The following ERAP1 variants were observed in gnomAD, a reference collection of about 807,000 sequenced individuals.
The protein encoded by ERAP1 is endoplasmic reticulum aminopeptidase 1, also known as adipocyte-derived leucine aminopeptidase.
In ERAP1, 86 loss-of-function variants were observed where a neutral mutation model predicts 103.7. The ratio of observed to expected loss-of-function variants is 0.83; its 90% CI spans 0.70 to 0.99. ERAP1 has a LOEUF of 0.99. ERAP1 is among the 50% of genes least tolerant of loss of function. The pLI is 0.00. For missense variants in ERAP1, 1,009 were observed against 1,128.4 expected (o/e 0.89, Z 1.52); for synonymous variants, 398 against 402.4 (o/e 0.99, Z 0.13).
At chr5:96,909,072 CAT>C in the ERAP1 span, 11 of 1,614,132 alleles carry the variant, frequency 6.8e-6, no homozygotes, top group African/African-American at 9.3e-5. Context: ...CGTTTTACCA[CAT>C]GATGGACAGA....
chr5:96,907,657 G>A, the ERAP1 span, among the ~76,000 whole-genome samples: 3 of 151,858 alleles, frequency 2.0e-5, no homozygotes, highest in Non-Finnish European at 4.4e-5. Flanking sequence ...CGAGGCGGGT[G>A]GATCACCTGA....
the ERAP1 span, among the ~76,000 whole-genome samples, chr5:96,909,401 A>T: frequency 2.0e-5 from 3 of 152,150 alleles, no homozygotes; most frequent in Admixed American, 6.6e-5. Flanking sequence ...AAATGCAAAA[A>T]CTGTTTCCTA....
At chr5:96,900,115 T>A in the ERAP1 span, 1 of 1,613,772 alleles carries the variant, frequency 6.2e-7, no homozygotes, top group Admixed American at 1.7e-5. Flanking sequence ...TGTTCTTGTT[T>A]TGTAGAGTTG....
At chr5:96,892,532 A>C in the ERAP1 span, 1 of 1,534,452 alleles carries the variant, frequency 6.5e-7, no homozygotes, top group Non-Finnish European at 8.9e-7. Context: ...TCCTGAAACA[A>C]AATAAATCAT....
At chr5:96,765,909 T>G (rs1769771644) in intron 19 of ERAP1, 1 of 569,308 alleles carries the variant, frequency 1.8e-6, no homozygotes. Context: ...GTCATCTGTG[T>G]TGTTCTGTTG....
intron 17 of ERAP1, 33 bp downstream of exon 17, chr5:96,781,025 T>C (rs751569480): frequency 2.2e-5 from 36 of 1,613,486 alleles, no homozygotes; most frequent in Non-Finnish European, 2.8e-5. Flanking sequence ...TATGAACTTA[T>C]CCAGTCACAG....
chr5:96,834,204 A>T, the ERAP1 span, among the ~76,000 whole-genome samples: 1 of 152,338 alleles, frequency 6.6e-6, no homozygotes, highest in African/African-American at 2.4e-5. Context: ...TCTCTCTGCC[A>T]CAAGAATCTC....
the ERAP1 span, chr5:96,912,668 T>C: frequency 1.9e-6 from 3 of 1,611,320 alleles, no homozygotes; most frequent in Non-Finnish European, 2.5e-6. Context: ...GATTGTGTAT[T>C]CTGTGGGTGC....
downstream of ERAP1, chr5:96,773,081 C>G (rs1398326975): frequency 6.5e-6 from 1 of 153,772 alleles, no homozygotes; most frequent in Non-Finnish European, 1.5e-5. Context: ...TCTTATTACC[C>G]CCTTTCCTCT....
chr5:96,912,732 C>G, the ERAP1 span: 1 of 1,602,684 alleles, frequency 6.2e-7, no homozygotes, highest in Admixed American at 1.8e-5. Context: ...CTGTCAATGT[C>G]AAGTGCTGAA....
chr5:96,874,136 G>GAGAGAAAGAAAGAAAGAA, the ERAP1 span, among the ~76,000 whole-genome samples: 13 of 118,782 alleles, frequency 1.1e-4, no homozygotes, highest in African/African-American at 3.7e-4. Context: ...GAAAGAGAGA[G>GAGAGAAAGAAAGAAAGAA]AGAAAGAAAG....
At chr5:96,901,695 T>G in the ERAP1 span, 1 of 1,612,358 alleles carries the variant, frequency 6.2e-7, no homozygotes, top group South Asian at 1.1e-5. Context: ...GCTGCTTTTC[T>G]TCTTTAGGTC....
the ERAP1 span, among the ~76,000 whole-genome samples, chr5:96,815,675 G>A: frequency 6.6e-6 from 1 of 152,062 alleles, no homozygotes; most frequent in Non-Finnish European, 1.5e-5. Context: ...GCCTCCCAAA[G>A]TGCTGGGATT....
intron 1 of ERAP1, among the ~76,000 whole-genome samples, chr5:96,806,800 A>C (rs1210605338): frequency 6.6e-6 from 1 of 151,678 alleles, no homozygotes; most frequent in African/African-American, 2.4e-5. Context: ...TTTCCTGAAC[A>C]ATGAAATTAA....
chr5:96,828,607 C>T, the ERAP1 span, among the ~76,000 whole-genome samples: 29 of 151,972 alleles, frequency 1.9e-4, no homozygotes, highest in Non-Finnish European at 3.1e-4. Flanking sequence ...ACAAAATTAC[C>T]AGGGTAAAAA....
the ERAP1 span, among the ~76,000 whole-genome samples, chr5:96,849,159 G>A: frequency 3.3e-5 from 5 of 151,976 alleles, no homozygotes; most frequent in African/African-American, 1.2e-4. Flanking sequence ...GACAAACCCA[G>A]AGCTAACATG....
the ERAP1 span, chr5:96,919,508 T>A: frequency 6.6e-6 from 1 of 152,346 alleles, no homozygotes. Flanking sequence ...AACTGTACCA[T>A]CAACAATGTT....
the ERAP1 span, among the ~76,000 whole-genome samples, chr5:96,904,582 T>C: frequency 6.6e-6 from 1 of 152,106 alleles, no homozygotes; most frequent in Non-Finnish European, 1.5e-5. Flanking sequence ...AAAAACACCA[T>C]CCTACATATG....
the ERAP1 span, among the ~76,000 whole-genome samples, chr5:96,858,767 A>G: frequency 6.6e-6 from 1 of 152,168 alleles, no homozygotes; most frequent in South Asian, 2.1e-4. Flanking sequence ...TAATCATGGT[A>G]TGTAAATAGA....
Sources: allele counts gnomAD v4.1 joint callset (sites outside exome capture counted in the v4.1 genomes callset), GRCh38; gene constraint gnomAD v4.1.1; transcripts MANE v1.5; gene names NCBI Gene and HGNC (gene_info 2026-07-23, HGNC 2026-07-21).